The following GABBR2 variants were observed in gnomAD, a reference collection of about 807,000 sequenced individuals.
GABBR2 encodes the protein G-protein coupled receptor 51.
A neutral mutation model predicts 105.6 loss-of-function variants in GABBR2; 23 were observed. The observed-to-expected ratio is 0.22, with a 90% CI of 0.16 to 0.31. The LOEUF is 0.31. GABBR2 is among the 10% of genes least tolerant of loss of function. The pLI, the probability that GABBR2 is intolerant of heterozygous loss-of-function variation, is 1.00. For synonymous variants in GABBR2, 478 were observed against 499.7 expected, an observed-to-expected ratio of 0.96 and a Z score of 0.58; for missense variants, 734 against 1,245.5, an observed-to-expected ratio of 0.59 and a Z score of 6.18.
At chr9:98,613,929 G>A (rs771416569) in intron 1 of GABBR2, among the ~76,000 whole-genome samples, 4 of 152,152 alleles carry the variant, frequency 2.6e-5, no homozygotes, top group Non-Finnish European at 4.4e-5. Flanking sequence ...ACTGTAACAC[G>A]AAAATAATAA....
intron 3 of GABBR2, among the ~76,000 whole-genome samples, chr9:98,534,852 T>C (rs770012307): frequency 6.6e-6 from 1 of 152,360 alleles, no homozygotes; most frequent in East Asian, 1.9e-4. Flanking sequence ...CCTTACCATA[T>C]GATCCAGCAA....
intron 1 of GABBR2, among the ~76,000 whole-genome samples, chr9:98,684,903 G>T (rs908056779): frequency 1.3e-5 from 2 of 152,138 alleles, no homozygotes; most frequent in African/African-American, 4.8e-5. Context: ...TCCCAAAACT[G>T]CCCTGATCAA....
At chr9:98,602,167 A>AT (rs56712617) in intron 1 of GABBR2, among the ~76,000 whole-genome samples, 109 of 145,422 alleles carry the variant, frequency 7.5e-4, no homozygotes, top group African/African-American at 1.9e-3. Context: ...TGCCTGGTTA[A>AT]TTTTTTTTTT....
At chr9:98,484,568 G>C (rs567177250) in intron 4 of GABBR2, among the ~76,000 whole-genome samples, 21 of 152,240 alleles carry the variant, frequency 1.4e-4, no homozygotes, top group Admixed American at 1.2e-3. Context: ...GCCAAACGGG[G>C]GATGAGGCTG....
intron 1 of GABBR2, among the ~76,000 whole-genome samples, chr9:98,641,264 G>T (rs1486161181): frequency 6.6e-6 from 1 of 151,274 alleles, no homozygotes; most frequent in East Asian, 1.9e-4. Context: ...ATCCCTAGTA[G>T]CTGGGATTAC....
Position 98,306,400 on chromosome 9 carries a change from C to G in GABBR2, c.2005-55G>C, listed in dbSNP as rs1184989584. 7.8e-7 allele frequency: 1 copy of G among 1,276,128 alleles called. No homozygotes were observed. Among genetic ancestry groups the G allele is most frequent in the Non-Finnish European group, 1.1e-6 (1 of 884,982 alleles). 79.1% of individuals were successfully genotyped at this position (1,276,128 alleles called of 1,614,324 possible). A position where few individuals can be genotyped will look rare whatever the true frequency, so the allele number is the denominator to read the frequency against. On this transcript the variant is annotated intron_variant, in intron 14 of 18. Transcript: ENST00000259455. The surrounding 1 kb of genome is among the most constrained non-coding windows in gnomAD (Gnocchi z 5.4). ...GATCGTTACCAAGGGGTGGCACACA[C>G]AGGCTGCTCTGAGAAGCTGTGGAGT...
At chr9:98,641,299 ATT>A (rs58779559) in intron 1 of GABBR2, among the ~76,000 whole-genome samples, 25 of 129,192 alleles carry the variant, frequency 1.9e-4, no homozygotes, top group South Asian at 2.5e-4. Flanking sequence ...ATGCCCAGCT[ATT>A]TTTTTTTTTT....
At chr9:98,294,021 C>T in intron 17 of GABBR2, 119 bp from the exon 18 acceptor site, 1 of 716,340 alleles carries the variant, frequency 1.4e-6, no homozygotes, top group Non-Finnish European at 2.5e-6. Flanking sequence ...CCCATTATCC[C>T]TCTGTGTTCT....
intron 1 of GABBR2, 93 bp from the exon 2 acceptor site, chr9:98,578,165 C>T: frequency 7.1e-7 from 1 of 1,412,258 alleles, no homozygotes; most frequent in Non-Finnish European, 9.8e-7. Context: ...CTCATGGAAA[C>T]CTTCTGGGTT....
chr9:98,686,179 A>G (rs1830618486), intron 1 of GABBR2, among the ~76,000 whole-genome samples: 1 of 152,140 alleles, frequency 6.6e-6, no homozygotes, highest in Middle Eastern at 3.4e-3. Context: ...ATATCTCCCC[A>G]GCTGGCCTGC....
At chr9:98,310,994 A>G in intron 14 of GABBR2, 101 bp downstream of exon 14, 1 of 694,580 alleles carries the variant, frequency 1.4e-6, no homozygotes, top group Admixed American at 2.3e-5. Context: ...CTGCTTAGTC[A>G]TGGAGGCTCT....
At chr9:98,618,379 G>GTA (rs1829617705) in intron 1 of GABBR2, among the ~76,000 whole-genome samples, 1 of 152,066 alleles carries the variant, frequency 6.6e-6, no homozygotes. Context: ...ATGAAAGCAT[G>GTA]TTAGGATGAA....
At chr9:98,300,180 T>C (rs1033901452) in intron 16 of GABBR2, among the ~76,000 whole-genome samples, 1 of 151,762 alleles carries the variant, frequency 6.6e-6, no homozygotes, top group African/African-American at 2.4e-5. Context: ...TTACTATTAC[T>C]GATACTTAAT....
chr9:98,350,852 C>T (rs1056885504), intron 13 of GABBR2, among the ~76,000 whole-genome samples: 3 of 152,106 alleles, frequency 2.0e-5, no homozygotes, highest in Non-Finnish European at 2.9e-5. Context: ...ACATCTCCAA[C>T]TATTATTATA....
At chr9:98,577,228 A>ATGGTTAGGCGAATGGATGGGTGAACATAG (rs769775744) in intron 2 of GABBR2, among the ~76,000 whole-genome samples, 1 of 151,132 alleles carries the variant, frequency 6.6e-6, no homozygotes, top group African/African-American at 2.4e-5. Flanking sequence ...GGATGGATGG[A>ATGGTTAGGCGAATGGATGGGTGAACATAG]GCAAAAAAGT....
At chr9:98,394,622 C>G (rs1184499565) in intron 8 of GABBR2, among the ~76,000 whole-genome samples, 2 of 152,198 alleles carry the variant, frequency 1.3e-5, no homozygotes, top group African/African-American at 2.4e-5. Flanking sequence ...ACCACACAGA[C>G]CATTTTTGCT....
chr9:98,385,534 T>C lies in GABBR2; in HGVS notation c.1662+106A>G. The C allele has an allele frequency of 2.3e-6, 2 of 883,014 alleles. 1 individual carries two copies. The highest frequency in any genetic ancestry group is 4.8e-5 in the East Asian group (2 of 41,418). 54.7% of individuals were successfully genotyped at this position (883,014 alleles called of 1,614,324 possible). On this transcript the variant is annotated intron_variant, in intron 11 of 18. Coordinates refer to ENST00000259455, the MANE Select transcript of GABBR2 (RefSeq NM_005458.8). ...TACTAAATGGGTTGTTCCCTGCCTG[T>C]TCATGTATTTTCATGTATTTCTGGG...
chr9:98,613,175 A>C (rs1015453081), intron 1 of GABBR2, among the ~76,000 whole-genome samples: 4 of 152,190 alleles, frequency 2.6e-5, no homozygotes, highest in Non-Finnish European at 5.9e-5. Context: ...CCACCAGCTG[A>C]TGCCTATAAT....
At chr9:98,305,713 G>C (rs920600907) in intron 15 of GABBR2, among the ~76,000 whole-genome samples, 1 of 152,024 alleles carries the variant, frequency 6.6e-6, no homozygotes, top group African/African-American at 2.4e-5. Flanking sequence ...TACTTGGTAG[G>C]TTGAGGCAGG....
Sources: allele counts gnomAD v4.1 joint callset (sites outside exome capture counted in the v4.1 genomes callset), GRCh38; gene constraint gnomAD v4.1.1; non-coding constraint Gnocchi (gnomAD v3.1); transcripts MANE v1.5; gene names NCBI Gene and HGNC (gene_info 2026-07-23, HGNC 2026-07-21).